The following PRMT8 variants were observed in gnomAD, a reference collection of about 807,000 sequenced individuals.
PRMT8 encodes protein arginine methyltransferase 8, also known as protein arginine N-methyltransferase 8.
PRMT8 carries 7 observed loss-of-function variants against 47.1 expected under a neutral mutation model. That is an observed-to-expected ratio of 0.15 (90% CI 0.08 to 0.28). The LOEUF (loss-of-function observed/expected upper bound fraction) is 0.28, where lower values mean the gene tolerates loss of function less well. PRMT8 is among the 10% of genes least tolerant of loss of function. The pLI is 1.00. For missense variants in PRMT8, 237 were observed against 505.4 expected (o/e 0.47, Z 5.09); for synonymous variants, 188 against 186.5 (o/e 1.01, Z -0.07).
chr12:3,540,209 A>G (rs1866197035), intron 1 of PRMT8, among the ~76,000 whole-genome samples: 1 of 151,954 alleles, frequency 6.6e-6, no homozygotes, highest in Non-Finnish European at 1.5e-5. Context: ...GCTGGGATTC[A>G]GCTCCGGAAT....
intron 1 of PRMT8, among the ~76,000 whole-genome samples, chr12:3,439,393 A>C (rs2137073007): frequency 6.6e-6 from 1 of 152,310 alleles, no homozygotes. Flanking sequence ...CAGTCATGTT[A>C]CACCTTGGGA....
rs1234308837 is a variant in PRMT8, at chr12:3,564,829, C to T, written c.482-3877C>T. 6.6e-6 allele frequency among the ~76,000 whole-genome samples: 1 copy of T among 152,270 alleles called. No individual in the cohort carries two copies. The highest frequency in any genetic ancestry group is 2.4e-5 in the African/African-American group (1 of 41,472). On this transcript the variant is annotated intron_variant, in intron 4 of 9. Coordinates refer to ENST00000382622, the MANE Select transcript of PRMT8 (RefSeq NM_019854.5). The surrounding 1 kb of genome is among the most constrained non-coding windows in gnomAD (Gnocchi z 4.0). ...TTGCATGGAGGAGAAGGGAAGACTG[C>T]TGCTGTGTGTGCCCACACACTTCCT...
intron 1 of PRMT8, among the ~76,000 whole-genome samples, chr12:3,478,740 A>C (rs1463635435): frequency 1.3e-5 from 2 of 152,210 alleles, no homozygotes; most frequent in Non-Finnish European, 2.9e-5. Flanking sequence ...GGAAAATATT[A>C]GGGTCTCTCT....
chr12:3,590,115 A>G (rs1867267206), intron 8 of PRMT8, among the ~76,000 whole-genome samples: 1 of 152,260 alleles, frequency 6.6e-6, no homozygotes, highest in Non-Finnish European at 1.5e-5. Flanking sequence ...TCAGGAACCC[A>G]GGCAGGGTCT....
intron 1 of PRMT8, among the ~76,000 whole-genome samples, chr12:3,452,314 T>A (rs1441046558): frequency 2.9e-5 from 1 of 34,882 alleles, no homozygotes; most frequent in Non-Finnish European, 7.2e-5. Flanking sequence ...GAACCTAAAT[T>A]AAACACACAC....
chr12:3,484,278 T>C (rs960311640), intron 1 of PRMT8, among the ~76,000 whole-genome samples: 1 of 152,178 alleles, frequency 6.6e-6, no homozygotes, highest in African/African-American at 2.4e-5. Flanking sequence ...ATCCACATCA[T>C]GAATGAAATG....
rs559605962 is a variant in PRMT8, at chr12:3,473,702, C to A, written c.49-66904C>A. 5.3e-4 allele frequency among the ~76,000 whole-genome samples: 81 copies of A among 152,214 alleles called. 1 individual carries two copies. In the South Asian group the frequency reaches 0.017, roughly 32 times the overall value. On this transcript the variant is annotated intron_variant, in intron 1 of 9. Coordinates refer to the PRMT8 transcript ENST00000452611. ...CCACAACAAAGTTCCTTCTCTCACC[C>A]CCAAATCCTCTCCTTTATTCTGCTC...
intron 1 of PRMT8, among the ~76,000 whole-genome samples, chr12:3,460,094 C>T (rs769742379): frequency 6.6e-6 from 1 of 152,222 alleles, no homozygotes; most frequent in Admixed American, 6.5e-5. Context: ...GAAGTCTTAA[C>T]ATTGGAAGTT....
Position 3,411,560 on chromosome 12 carries a change from C to T in PRMT8, c.48+30118C>T, listed in dbSNP as rs138750841. 1.0e-3 allele frequency among the ~76,000 whole-genome samples: 154 copies of T among 152,290 alleles called. No individual in the cohort carries two copies. The South Asian group carries it at 0.013, about 13-fold the overall frequency. On this transcript the variant is annotated intron_variant, in intron 1 of 9. Coordinates refer to the PRMT8 transcript ENST00000452611. Reference sequence around the variant, plus strand: ...GTACTAGCTTGGTTAAAACTAAAAGCGTGTAATATGTGCTGTGGTTTGAAT... The same window carrying T: ...GTACTAGCTTGGTTAAAACTAAAAGTGTGTAATATGTGCTGTGGTTTGAAT...
rs1179814681 is a variant in PRMT8, at chr12:3,491,400, GA to G, written c.-223del. The G allele has an allele frequency of 6.1e-5, 79 of 1,290,760 alleles. No homozygotes were observed. Among genetic ancestry groups the G allele is most frequent in the Non-Finnish European group, 7.8e-5 (79 of 1,018,280 alleles). 80.0% of individuals were successfully genotyped at this position (1,290,760 alleles called of 1,614,324 possible). A position where few individuals can be genotyped will look rare whatever the true frequency, so the allele number is the denominator to read the frequency against. On this transcript the variant is annotated 5_prime_UTR_variant, in exon 1 of 10. Transcript: ENST00000382622. ...GGGGTCGGGGGCACGAGAAGAACTT[GA>G]AACCGTGTGAAGGAATCCGGAGCAG... is the stretch of plus-strand genomic sequence containing the variant.
intron 6 of PRMT8, among the ~76,000 whole-genome samples, chr12:3,571,544 T>G (rs2137210810): frequency 6.6e-6 from 1 of 152,152 alleles, no homozygotes; most frequent in South Asian, 2.1e-4. Context: ...AGGGAGGGGC[T>G]CCTAAGGCAC....
chr12:3,468,876 C>T (rs892885290), intron 1 of PRMT8: 6 of 167,320 alleles, frequency 3.6e-5, no homozygotes, highest in Admixed American at 1.9e-4. Context: ...ACGCACTTCT[C>T]GCGTGCCTTG....
chr12:3,493,893 G>T lies in PRMT8; in HGVS notation c.75+2193G>T, dbSNP rs1865464279. Reference sequence around the variant, plus strand: ...CCTTGGAGGGGTGTGAGCCAGGTTGGCGGATCGGTTCTTAGCAACTTCCCT... The same window carrying T: ...CCTTGGAGGGGTGTGAGCCAGGTTGTCGGATCGGTTCTTAGCAACTTCCCT... On this transcript the variant is annotated intron_variant, in intron 1 of 9. Coordinates refer to ENST00000382622, the MANE Select transcript of PRMT8 (RefSeq NM_019854.5). The surrounding 1 kb of genome is among the most constrained non-coding windows in gnomAD (Gnocchi z 8.2). Among the ~76,000 whole-genome samples, 1 of 152,236 alleles carries T rather than the reference G, an allele frequency of 6.6e-6. No individual in the cohort carries two copies. Among genetic ancestry groups the T allele is most frequent in the Non-Finnish European group, 1.5e-5 (1 of 68,050 alleles).
chr12:3,417,026 C>T (rs1182172522), intron 1 of PRMT8, among the ~76,000 whole-genome samples: 1 of 152,162 alleles, frequency 6.6e-6, no homozygotes, highest in African/African-American at 2.4e-5. Flanking sequence ...CAGAGGGAAC[C>T]TTATTAAGGG....
intron 1 of PRMT8, among the ~76,000 whole-genome samples, chr12:3,510,252 G>C (rs1004071001): frequency 1.3e-5 from 2 of 152,158 alleles, no homozygotes; most frequent in Non-Finnish European, 1.5e-5. Flanking sequence ...CCTGCTCCCA[G>C]CGTGGTCCAG....
intron 1 of PRMT8, among the ~76,000 whole-genome samples, chr12:3,521,113 G>C (rs1328325788): frequency 1.3e-5 from 2 of 152,204 alleles, no homozygotes; most frequent in African/African-American, 2.4e-5. Context: ...AAGAGAAAAA[G>C]GAAAAGCTGG....
In PRMT8 at chr12:3,537,612, A is replaced by T. The variant is rs149510096; in HGVS notation, c.76-2994A>T. On this transcript the variant is annotated intron_variant, in intron 1 of 9. Coordinates refer to ENST00000382622, the MANE Select transcript of PRMT8 (RefSeq NM_019854.5). ...AAATTCATTATTTCCCCCCACCCCA[A>T]CCTGCTCTGCCTGCTGACTGGCTTA... Among the ~76,000 whole-genome samples, 15 of 151,952 alleles carry T rather than the reference A, an allele frequency of 9.9e-5. No individual in the cohort carries two copies. The East Asian group carries it at 2.9e-3, about 29-fold the overall frequency.
intron 1 of PRMT8, among the ~76,000 whole-genome samples, chr12:3,481,678 G>A (rs1318950971): frequency 6.6e-6 from 1 of 152,196 alleles, no homozygotes; most frequent in African/African-American, 2.4e-5. Context: ...TGAAGAAGAC[G>A]TGAACCTATG....
At chr12:3,489,902 C>T (rs117967780), upstream of PRMT8, among the ~76,000 whole-genome samples, 1,350 of 152,210 alleles carry the variant, frequency 8.9e-3, 10 homozygotes, top group Admixed American at 0.013. Context: ...TCTTCATCCT[C>T]TCCTGTCTCT....
Sources: gnomAD v4.1 joint callset for allele counts (sites outside exome capture counted in the v4.1 genomes callset) on GRCh38, gnomAD v4.1.1 for gene constraint, Gnocchi (gnomAD v3.1) non-coding constraint, MANE v1.5 for transcripts, NCBI Gene and HGNC (gene_info 2026-07-23, HGNC 2026-07-21) for gene names.